ZFP14: variants seen among roughly 807,000 people sequenced by gnomAD.
The protein encoded by ZFP14 is zinc finger protein 14 homolog.
A neutral mutation model predicts 54.5 loss-of-function variants in ZFP14; 22 were observed. The observed-to-expected ratio is 0.40, with a 90% CI of 0.29 to 0.58. The LOEUF is 0.58. Ranked by LOEUF, ZFP14 falls within the 20% of genes least tolerant of loss-of-function variation. ZFP14 has a pLI of 0.39. For missense variants in ZFP14, 470 were observed against 637.8 expected (o/e 0.74, Z 2.83); for synonymous variants, 159 against 204.0 (o/e 0.78, Z 1.88).
intron 4 of ZFP14, among the ~76,000 whole-genome samples, chr19:36,343,523 C>G (rs1432948316): frequency 6.6e-6 from 1 of 152,196 alleles, no homozygotes; most frequent in Non-Finnish European, 1.5e-5. Context: ...TTCACAAAGG[C>G]TAGTCCTGCT....
At chr19:36,362,309 T>A in intron 2 of ZFP14, 71 bp from the exon 3 acceptor site, 1 of 1,510,206 alleles carries the variant, frequency 6.6e-7, no homozygotes, top group South Asian at 1.3e-5. Flanking sequence ...GAGGGGAGAT[T>A]GAGGATTGCA....
chr19:36,369,106 G>A (rs1423779652), intron 1 of ZFP14, among the ~76,000 whole-genome samples: 5 of 151,832 alleles, frequency 3.3e-5, no homozygotes, highest in Non-Finnish European at 2.9e-5. Context: ...CCTCCCAAAG[G>A]GCTGGGATTA....
At chr19:36,373,883 G>A (rs1226346637) in intron 1 of ZFP14, among the ~76,000 whole-genome samples, 1 of 122,050 alleles carries the variant, frequency 8.2e-6, no homozygotes, top group Non-Finnish European at 1.6e-5. Context: ...CTGCACTCAA[G>A]CCTGGGCAAC....
At chr19:36,368,245 G>A (rs942677354) in intron 1 of ZFP14, among the ~76,000 whole-genome samples, 1 of 152,138 alleles carries the variant, frequency 6.6e-6, no homozygotes, top group Non-Finnish European at 1.5e-5. Flanking sequence ...AAGGCAGTTG[G>A]AGCACCTGAG....
At chr19:36,358,073 TATCTATCTATCTATCTATC>T (rs1477055430) in intron 4 of ZFP14, among the ~76,000 whole-genome samples, 124 of 145,484 alleles carry the variant, frequency 8.5e-4, no homozygotes, top group African/African-American at 2.9e-3. Context: ...TCTATCTATC[TATCTATCTATCTATCTATC>T]ATCTATCTAT....
chr19:36,358,729 T>C (rs1433229783), intron 4 of ZFP14, among the ~76,000 whole-genome samples: 2 of 152,208 alleles, frequency 1.3e-5, no homozygotes, highest in Non-Finnish European at 2.9e-5. Context: ...TTTACATCTA[T>C]GAAGATGATT....
intron 4 of ZFP14, among the ~76,000 whole-genome samples, chr19:36,344,715 A>G (rs2031382996): frequency 6.6e-6 from 1 of 152,060 alleles, no homozygotes. Flanking sequence ...CGTGAACCTT[A>G]TTGTGAACTG....
chr19:36,348,754 A>G (rs995058277), intron 4 of ZFP14, among the ~76,000 whole-genome samples: 10 of 152,056 alleles, frequency 6.6e-5, no homozygotes, highest in African/African-American at 1.7e-4. Flanking sequence ...CTGTGCTGCA[A>G]CCTTCTGGGA....
intron 1 of ZFP14, among the ~76,000 whole-genome samples, chr19:36,369,801 T>TA (rs143864775): frequency 0.055 from 8,286 of 151,822 alleles, 254 homozygotes; most frequent in Non-Finnish European, 0.066. Context: ...AGCAATTCAC[T>TA]AAAAAAAAGA....
chr19:36,374,359 A>T (rs1356841595), intron 1 of ZFP14, among the ~76,000 whole-genome samples: 1 of 152,008 alleles, frequency 6.6e-6, no homozygotes, highest in South Asian at 2.1e-4. Flanking sequence ...GCATGATGGC[A>T]GGTGCCTGTA....
rs969796865 is a variant in ZFP14, at chr19:36,350,512, G to C, written c.236-8922C>G. Among the ~76,000 whole-genome samples the C allele has an allele frequency of 6.4e-5, 9 of 140,024 alleles. 2 individuals are homozygous for C. Among genetic ancestry groups the C allele is most frequent in the Admixed American group, 5.2e-4 (7 of 13,470 alleles). 91.9% of individuals were successfully genotyped at this position (140,024 alleles called of 152,430 possible). On this transcript the variant is annotated intron_variant, in intron 4 of 4. Coordinates refer to ENST00000270001, the MANE Select transcript of ZFP14 (RefSeq NM_020917.3). ...GCTACTTGGGAGGCTGAGGTGGGAG[G>C]ATCACTTGAGCCCAGGAGGGTGAGG...
At chr19:36,369,572 G>A (rs866678920) in intron 1 of ZFP14, among the ~76,000 whole-genome samples, 3 of 151,528 alleles carry the variant, frequency 2.0e-5, no homozygotes, top group Non-Finnish European at 2.9e-5. Flanking sequence ...CACTACGCCC[G>A]GCTAATTTTT....
In ZFP14 at chr19:36,341,870, GA is replaced by G. The variant is rs1170256589; in HGVS notation, c.236-281del. On this transcript the variant is annotated intron_variant, in intron 4 of 4. Transcript: ENST00000270001. This position sits in a 1 kb window ranked among gnomAD's most constrained non-coding sequence, Gnocchi z 4.2. ...CCACTTAATTTTTTTTTTTTCTTTG[GA>G]GATGGAGTCTCGCTCTGTTGCCCAG... Among the ~76,000 whole-genome samples the G allele has an allele frequency of 4.0e-5, 6 of 151,306 alleles. No homozygotes were observed. In the East Asian group the frequency reaches 1.2e-3, roughly 29 times the overall value.
At chr19:36,369,105 G>C (rs1006974544) in intron 1 of ZFP14, among the ~76,000 whole-genome samples, 1 of 151,974 alleles carries the variant, frequency 6.6e-6, no homozygotes, top group Non-Finnish European at 1.5e-5. Context: ...GCCTCCCAAA[G>C]GGCTGGGATT....
chr19:36,356,784 C>T (rs1430533885), intron 4 of ZFP14, among the ~76,000 whole-genome samples: 1 of 152,120 alleles, frequency 6.6e-6, no homozygotes, highest in Non-Finnish European at 1.5e-5. Context: ...CCTTGAAATT[C>T]ACCCAAGTTG....
In ZFP14 at chr19:36,335,073, C is replaced by T. The variant is rs1469310048; in HGVS notation, c.*5151G>A. On this transcript the variant is annotated 3_prime_UTR_variant, in exon 5 of 5. Transcript: ENST00000270001. ...ATTTTTAGTAGAGACAGGGTTTCAC[C>T]ATGTTGGCCAGGCTGGTCTCAAACT... is the stretch of plus-strand genomic sequence containing the variant. 1 of 152,168 alleles carries T rather than the reference C, an allele frequency of 6.6e-6. No individual in the cohort carries two copies. The highest frequency in any genetic ancestry group is 1.5e-5 in the Non-Finnish European group (1 of 68,038). The allele number at this position is 152,168 out of a possible 1,614,324, so 9.4% of individuals were successfully genotyped here. A position where few individuals can be genotyped will look rare whatever the true frequency, so the allele number is the denominator to read the frequency against.
At chr19:36,374,074 T>C (rs2031921937) in intron 1 of ZFP14, among the ~76,000 whole-genome samples, 1 of 152,206 alleles carries the variant, frequency 6.6e-6, no homozygotes, top group Non-Finnish European at 1.5e-5. Context: ...AGCAAGGTTG[T>C]GGGGACACCG....
At chr19:36,377,396 T>A (rs1274014310) in intron 1 of ZFP14, among the ~76,000 whole-genome samples, 1 of 151,752 alleles carries the variant, frequency 6.6e-6, no homozygotes, top group African/African-American at 2.4e-5. Flanking sequence ...CAAAAAAATT[T>A]AAAAATTGCG....
At chr19:36,354,227 CAA>C (rs772095283) in intron 4 of ZFP14, among the ~76,000 whole-genome samples, 1 of 139,602 alleles carries the variant, frequency 7.2e-6, no homozygotes, top group Non-Finnish European at 1.6e-5. Flanking sequence ...AAAAATTAGC[CAA>C]GCACGGTGGT....
Sources: allele counts gnomAD v4.1 joint callset (sites outside exome capture counted in the v4.1 genomes callset), GRCh38; gene constraint gnomAD v4.1.1; non-coding constraint Gnocchi (gnomAD v3.1); transcripts MANE v1.5; gene names NCBI Gene and HGNC (gene_info 2026-07-23, HGNC 2026-07-21).